CACNB4: variants seen among roughly 807,000 people sequenced by gnomAD.
CACNB4 encodes the protein voltage-dependent L-type calcium channel subunit beta-4.
In CACNB4, 32 loss-of-function variants were observed where a neutral mutation model predicts 71.2. The ratio of observed to expected loss-of-function variants is 0.45; its 90% CI spans 0.34 to 0.60. The LOEUF (loss-of-function observed/expected upper bound fraction) is 0.60. Ranked by LOEUF, CACNB4 falls within the 20% of genes least tolerant of loss-of-function variation. The probability of loss-of-function intolerance (pLI) is 0.01; values close to 1 mark genes in which losing one functional copy is unlikely to be tolerated. For missense variants in CACNB4, 464 were observed against 647.9 expected (o/e 0.72, Z 3.08); for synonymous variants, 231 against 236.9 (o/e 0.97, Z 0.23).
At chr2:151,989,390 C>T (rs1681559294) in intron 2 of CACNB4, among the ~76,000 whole-genome samples, 1 of 152,216 alleles carries the variant, frequency 6.6e-6, no homozygotes, top group African/African-American at 2.4e-5. Context: ...CTGACTCAAA[C>T]TGTATTTGCC....
chr2:152,031,823 C>T (rs182804628), intron 2 of CACNB4, among the ~76,000 whole-genome samples: 51 of 152,252 alleles, frequency 3.3e-4, no homozygotes, highest in Admixed American at 8.5e-4. Context: ...AAAAATTATC[C>T]ATATTTTTGA....
chr2:151,955,694 C>T (rs2151678522), intron 2 of CACNB4, among the ~76,000 whole-genome samples: 1 of 151,986 alleles, frequency 6.6e-6, no homozygotes, highest in Admixed American at 6.6e-5. Flanking sequence ...TTGCTTGGGC[C>T]CAGGAGTTTG....
At chr2:151,888,740 A>G (rs183357789) in intron 2 of CACNB4, among the ~76,000 whole-genome samples, 58 of 152,316 alleles carry the variant, frequency 3.8e-4, no homozygotes, top group African/African-American at 1.2e-3. Context: ...ATGAAAGAGA[A>G]CTGCTTATTT....
intron 2 of CACNB4, among the ~76,000 whole-genome samples, chr2:152,055,797 C>T (rs892246540): frequency 6.6e-6 from 1 of 152,136 alleles, no homozygotes; most frequent in African/African-American, 2.4e-5. Context: ...GAACTCTAAC[C>T]TCTGAAATTT....
chr2:151,922,654 T>C (rs1193616028), intron 2 of CACNB4, among the ~76,000 whole-genome samples: 3 of 152,186 alleles, frequency 2.0e-5, no homozygotes, highest in Non-Finnish European at 4.4e-5. Context: ...GCTTATATGA[T>C]TCATGACATT....
rs1457770603 is a variant in CACNB4 at position 151,862,296 on chromosome 2, T to C, written c.759-1476A>G. On this transcript the variant is annotated intron_variant, in intron 9 of 13. Transcript: ENST00000539935. ...CAGTGACCTAAAGCCTTGGAGAGAA[T>C]TTAAAATAGTCCTTTCCTCAGATGG... Among the ~76,000 whole-genome samples the C allele has an allele frequency of 2.0e-5, 3 of 152,212 alleles. No homozygotes were observed. The East Asian group carries it at 5.8e-4, about 29-fold the overall frequency.
chr2:151,921,330 G>A (rs2099858966), intron 2 of CACNB4, among the ~76,000 whole-genome samples: 1 of 151,792 alleles, frequency 6.6e-6, no homozygotes, highest in East Asian at 1.9e-4. Flanking sequence ...GTGAATCTTG[G>A]TTTAAAACAA....
chr2:152,022,850 A>G (rs940454689), intron 2 of CACNB4, among the ~76,000 whole-genome samples: 2 of 152,222 alleles, frequency 1.3e-5, no homozygotes, highest in Non-Finnish European at 2.9e-5. Context: ...TGTAATCATT[A>G]AAACCCAGAT....
At chr2:152,011,132 C>T (rs1398651421) in intron 2 of CACNB4, among the ~76,000 whole-genome samples, 1 of 152,174 alleles carries the variant, frequency 6.6e-6, no homozygotes. Flanking sequence ...GTCACTGTCT[C>T]ATGAGGTAGC....
chr2:151,902,731 T>C (rs769874560), intron 2 of CACNB4, among the ~76,000 whole-genome samples: 6 of 152,128 alleles, frequency 3.9e-5, no homozygotes, highest in Admixed American at 6.5e-5. Context: ...ACTAACTTTT[T>C]TGTGGCTTCA....
In CACNB4 at chr2:152,098,928, AG is replaced by A; in HGVS notation, c.63+20del. On this transcript the variant is annotated intron_variant, in intron 1 of 13. Coordinates refer to ENST00000539935, the MANE Select transcript of CACNB4 (RefSeq NM_000726.5). This position sits in a 1 kb window ranked among gnomAD's most constrained non-coding sequence, Gnocchi z 5.3. ...AGGAAGGAAGAGGAGGAAGAGGAGA[AG>A]GGGGAGGAGGGGGCGGTACCTGCGA... is the stretch of plus-strand genomic sequence containing the variant. The A allele has an allele frequency of 2.2e-6, 2 of 915,472 alleles. No homozygotes were observed. The highest frequency in any genetic ancestry group is 2.7e-6 in the Non-Finnish European group (2 of 731,090). 56.7% of individuals were successfully genotyped at this position (915,472 alleles called of 1,614,324 possible).
rs2099850685 is a variant in CACNB4, at chr2:151,891,404, T to C, written c.148-8034A>G. On this transcript the variant is annotated intron_variant, in intron 2 of 13. Transcript: ENST00000539935. ...AACTGAGATGTGAGCTACAAGCAGA[T>C]TTGCAAGTTAAACCAGTGGTAATGA... 4.6e-5 allele frequency among the ~76,000 whole-genome samples: 7 copies of C among 152,300 alleles called. No homozygotes were observed. In the South Asian group the frequency reaches 1.5e-3, roughly 32 times the overall value.
At chr2:152,050,750 C>A (rs945203697) in intron 2 of CACNB4, among the ~76,000 whole-genome samples, 1 of 151,854 alleles carries the variant, frequency 6.6e-6, no homozygotes, top group African/African-American at 2.4e-5. Flanking sequence ...GGCATATCCA[C>A]TTGTGGGGTT....
At chr2:151,861,049 T>C (rs947047468) in intron 9 of CACNB4, 4 of 512,218 alleles carry the variant, frequency 7.8e-6, no homozygotes, top group Non-Finnish European at 1.0e-5. Flanking sequence ...CCTACTCCAG[T>C]AAAAATGTTC....
intron 2 of CACNB4, among the ~76,000 whole-genome samples, chr2:151,976,188 T>G (rs946947050): frequency 6.6e-6 from 1 of 152,202 alleles, no homozygotes; most frequent in Non-Finnish European, 1.5e-5. Flanking sequence ...AGAATAGATG[T>G]GAAGGGGCAG....
At chr2:151,978,628 A>T (rs1017744449) in intron 2 of CACNB4, among the ~76,000 whole-genome samples, 6 of 152,164 alleles carry the variant, frequency 3.9e-5, no homozygotes, top group Admixed American at 3.9e-4. Flanking sequence ...AAACGTTCGG[A>T]TGGGTACCTG....
intron 4 of CACNB4, among the ~76,000 whole-genome samples, chr2:151,878,105 A>G (rs896876290): frequency 2.0e-5 from 3 of 152,098 alleles, no homozygotes; most frequent in Non-Finnish European, 4.4e-5. Context: ...CAAAATATAT[A>G]TATTTATAAA....
chr2:151,862,707 T>C (rs938318378), intron 9 of CACNB4, among the ~76,000 whole-genome samples: 49 of 152,168 alleles, frequency 3.2e-4, no homozygotes, highest in African/African-American at 1.1e-3. Flanking sequence ...TGTAACAACT[T>C]TTTCATCTTA....
In CACNB4 at chr2:152,098,870, G is replaced by A; in HGVS notation, c.63+79C>T. 2.5e-6 allele frequency: 3 copies of A among 1,186,398 alleles called. No homozygotes were observed. Among genetic ancestry groups the A allele is most frequent in the Non-Finnish European group, 2.3e-6 (2 of 859,550 alleles). 73.5% of individuals were successfully genotyped at this position (1,186,398 alleles called of 1,614,324 possible). ...TGGGGCCCCGCACGCCCGGCACGAA[G>A]GCGGGGCGCGCTAGGGCGGCGGAGG... On this transcript the variant is annotated intron_variant, in intron 1 of 13. Transcript: ENST00000539935. This position sits in a 1 kb window ranked among gnomAD's most constrained non-coding sequence, Gnocchi z 5.3.
Sources: gnomAD v4.1 joint callset for allele counts (sites outside exome capture counted in the v4.1 genomes callset) on GRCh38, gnomAD v4.1.1 for gene constraint, Gnocchi (gnomAD v3.1) non-coding constraint, MANE v1.5 for transcripts, NCBI Gene and HGNC (gene_info 2026-07-23, HGNC 2026-07-21) for gene names.